The following NFIB variants were observed in gnomAD, a reference collection of about 807,000 sequenced individuals.
NFIB encodes the protein nuclear factor 1 B-type.
A neutral mutation model predicts 61.5 loss-of-function variants in NFIB; 11 were observed. The observed-to-expected ratio is 0.18, with a 90% CI of 0.11 to 0.30. NFIB has a LOEUF of 0.30. Among genes scored for constraint, NFIB ranks in the 10% least tolerant of loss-of-function variants. The pLI is 1.00. For synonymous variants in NFIB, 260 were observed against 216.5 expected (o/e 1.20, Z -1.76); for missense variants, 471 against 608.9 (o/e 0.77, Z 2.38).
chr9:14,137,367 A>G (rs2041177039), intron 6 of NFIB, among the ~76,000 whole-genome samples: 1 of 152,206 alleles, frequency 6.6e-6, no homozygotes, highest in Non-Finnish European at 1.5e-5. Context: ...CAGCCCAATT[A>G]TTGTTATTCA....
intron 1 of NFIB, among the ~76,000 whole-genome samples, chr9:14,332,386 A>C (rs55737758): frequency 0.027 from 4,163 of 151,698 alleles, 62 homozygotes; most frequent in Middle Eastern, 0.09. Context: ...CCTGATGCCA[A>C]GAGAGATGGA....
At chr9:14,297,956 CAT>C (rs965088801) in intron 2 of NFIB, among the ~76,000 whole-genome samples, 18 of 152,034 alleles carry the variant, frequency 1.2e-4, no homozygotes, top group African/African-American at 3.6e-4. Flanking sequence ...TATTTTTGCA[CAT>C]GAGGTTTTCA....
At chr9:14,214,107 C>A (rs1224587294) in intron 2 of NFIB, among the ~76,000 whole-genome samples, 1 of 152,166 alleles carries the variant, frequency 6.6e-6, no homozygotes, top group African/African-American at 2.4e-5. Context: ...TAGGCCACAT[C>A]CTAGCCCCCC....
intron 2 of NFIB, among the ~76,000 whole-genome samples, chr9:14,279,122 C>T (rs903584139): frequency 8.5e-5 from 13 of 152,054 alleles, no homozygotes; most frequent in African/African-American, 2.9e-4. Context: ...CTTTCACACA[C>T]GTTATCAAAA....
At chr9:14,258,958 C>G (rs986238591) in intron 2 of NFIB, among the ~76,000 whole-genome samples, 4 of 152,158 alleles carry the variant, frequency 2.6e-5, no homozygotes, top group Non-Finnish European at 5.9e-5. Flanking sequence ...ATATCCCATA[C>G]CAGTGCTCCT....
At position 14,236,858 on chromosome 9, in the gene NFIB, A is replaced by T. The variant is rs192112864; in HGVS notation, c.563-57078T>A. On this transcript the variant is annotated intron_variant, in intron 2 of 10. Transcript: ENST00000380953. ...TAATTTTGGCTTCTCTTTAAAAAAA[A>T]AAAAATAAAAACACAAAAAAGCCAC... Among the ~76,000 whole-genome samples the T allele has an allele frequency of 2.2e-3, 328 of 152,078 alleles. 2 individuals carry two copies. The highest frequency in any genetic ancestry group is 5.0e-3 in the East Asian group (26 of 5,160).
At chr9:14,466,821 T>C in the NFIB span, among the ~76,000 whole-genome samples, 2 of 152,130 alleles carry the variant, frequency 1.3e-5, no homozygotes, top group African/African-American at 4.8e-5. Flanking sequence ...ACAGTGCAAT[T>C]TGCCCCAGAT....
At chr9:14,234,025 T>C (rs2053484196) in intron 2 of NFIB, among the ~76,000 whole-genome samples, 2 of 152,294 alleles carry the variant, frequency 1.3e-5, no homozygotes, top group African/African-American at 4.8e-5. Context: ...AAGGGCATTG[T>C]TTTATTGTGT....
In NFIB at chr9:14,322,298, TGTGTGTGTGTGCGCCCGC is replaced by T. The variant is rs1437868535; in HGVS notation, c.109-14796_109-14779del. ...TTGACTTGAACGCCGTCCAGGATGG[TGTGTGTGTGTGCGCCCGC>T]GTGTGCGTGTGTGCATGTATGTGTG... On this transcript the variant is annotated intron_variant, in intron 1 of 8. Coordinates refer to the NFIB transcript ENST00000380934. 11 of 303,208 alleles carry T rather than the reference TGTGTGTGTGTGCGCCCGC, an allele frequency of 3.6e-5. No homozygotes were observed. In the South Asian group the frequency reaches 7.8e-4, roughly 22 times the overall value. 18.8% of individuals were successfully genotyped at this position (303,208 alleles called of 1,614,324 possible).
chr9:14,120,811 TAC>T lies in NFIB; in HGVS notation c.1061-189_1061-188del, dbSNP rs541893866. Reference sequence around the variant, plus strand: ...TATTCTCAACACCAGTACGGCTAACTACACAGAGATAAAACATCACTCTAGAA... The same window carrying T: ...TATTCTCAACACCAGTACGGCTAACTACAGAGATAAAACATCACTCTAGAA... On this transcript the variant is annotated intron_variant, in intron 7 of 10. Transcript: ENST00000380953. The surrounding 1 kb of genome is among the most constrained non-coding windows in gnomAD (Gnocchi z 4.4). 1.0e-3 allele frequency among the ~76,000 whole-genome samples: 157 copies of T among 152,176 alleles called. 1 individual carries two copies. Among genetic ancestry groups the T allele is most frequent in the African/African-American group, 3.6e-3 (149 of 41,454 alleles).
rs112293939 is a variant in NFIB at position 14,398,222 on chromosome 9, A to C, written c.108+302T>G. Among the ~76,000 whole-genome samples, 32 of 152,316 alleles carry C rather than the reference A, an allele frequency of 2.1e-4. 2 individuals are homozygous for C. The highest frequency in any genetic ancestry group is 7.5e-4 in the African/African-American group (31 of 41,586). On this transcript the variant is annotated intron_variant, in intron 1 of 8. Transcript: ENST00000380934. ...ATTTCTCTCTCAACTAACCTTGCAGAAATTTAGGGCCTATGGGAAGGGGAT... is the reference window on the plus strand; with the variant it reads ...ATTTCTCTCTCAACTAACCTTGCAGCAATTTAGGGCCTATGGGAAGGGGAT...
At chr9:14,380,844 G>A (rs12235438) in intron 1 of NFIB, among the ~76,000 whole-genome samples, 1 of 152,146 alleles carries the variant, frequency 6.6e-6, no homozygotes, top group South Asian at 2.1e-4. Context: ...AAGGGGCCAA[G>A]CAGGGATTCG....
At chr9:14,232,053 G>C (rs922556582) in intron 2 of NFIB, among the ~76,000 whole-genome samples, 1 of 152,170 alleles carries the variant, frequency 6.6e-6, no homozygotes, top group Non-Finnish European at 1.5e-5. Context: ...TCTCTTATCA[G>C]TATGGAACAG....
At chr9:14,250,114 A>G (rs1316766343) in intron 2 of NFIB, among the ~76,000 whole-genome samples, 1 of 152,212 alleles carries the variant, frequency 6.6e-6, no homozygotes, top group Non-Finnish European at 1.5e-5. Flanking sequence ...TTAACTGAGC[A>G]TCTGAAAGGT....
chr9:14,255,954 C>A (rs1375332721), intron 2 of NFIB, among the ~76,000 whole-genome samples: 1 of 152,232 alleles, frequency 6.6e-6, no homozygotes, highest in African/African-American at 2.4e-5. Flanking sequence ...ATACAAAACA[C>A]TGTACTCAAG....
At chr9:14,138,450 C>T (rs894975508) in intron 6 of NFIB, among the ~76,000 whole-genome samples, 1 of 151,774 alleles carries the variant, frequency 6.6e-6, no homozygotes, top group African/African-American at 2.4e-5. Flanking sequence ...AACAAGACAA[C>T]CTTTGAGATA....
chr9:14,232,657 T>A (rs2053326636), intron 2 of NFIB, among the ~76,000 whole-genome samples: 1 of 152,156 alleles, frequency 6.6e-6, no homozygotes, highest in Non-Finnish European at 1.5e-5. Flanking sequence ...AGTGTTAAAT[T>A]CTTTTCTAAG....
chr9:14,270,926 G>C (rs1296189108), intron 2 of NFIB, among the ~76,000 whole-genome samples: 1 of 152,076 alleles, frequency 6.6e-6, no homozygotes, highest in Non-Finnish European at 1.5e-5. Flanking sequence ...TTCAAAAATT[G>C]CACACAGCCG....
chr9:14,464,833 C>CT, the NFIB span, among the ~76,000 whole-genome samples: 4 of 152,114 alleles, frequency 2.6e-5, no homozygotes, highest in African/African-American at 9.7e-5. Flanking sequence ...AGTTATTTAT[C>CT]TTTTTGTCTC....
Sources: gnomAD v4.1 joint callset for allele counts (sites outside exome capture counted in the v4.1 genomes callset) on GRCh38, gnomAD v4.1.1 for gene constraint, Gnocchi (gnomAD v3.1) non-coding constraint, MANE v1.5 for transcripts, NCBI Gene and HGNC (gene_info 2026-07-23, HGNC 2026-07-21) for gene names.